ADCY8: variants seen among roughly 807,000 people sequenced by gnomAD.
ADCY8 encodes the protein adenylate cyclase type 8.
ADCY8 carries 51 observed loss-of-function variants against 119.7 expected under a neutral mutation model. That is an observed-to-expected ratio of 0.43 (90% confidence interval 0.34 to 0.54). The LOEUF (loss-of-function observed/expected upper bound fraction) is 0.54. Among genes scored for constraint, ADCY8 ranks in the 20% least tolerant of loss-of-function variants. The pLI, the probability that ADCY8 is intolerant of heterozygous loss-of-function variation, is 0.03. For synonymous variants in ADCY8, 665 were observed against 651.0 expected, an observed-to-expected ratio of 1.02 and a Z score of -0.33; for missense variants, 1,383 against 1,598.8, an observed-to-expected ratio of 0.87 and a Z score of 2.30.
chr8:130,803,728 TG>T (rs1446113624), intron 14 of ADCY8, among the ~76,000 whole-genome samples: 1 of 152,200 alleles, frequency 6.6e-6, no homozygotes, highest in Non-Finnish European at 1.5e-5. Context: ...CAGCTAGTAG[TG>T]GAAGAGAGGA....
chr8:130,905,027 C>A (rs1397601223), intron 6 of ADCY8, among the ~76,000 whole-genome samples: 2 of 152,136 alleles, frequency 1.3e-5, no homozygotes, highest in Non-Finnish European at 2.9e-5. Flanking sequence ...AATTACTTAG[C>A]CTTTCTATCA....
chr8:130,813,279 G>T (rs935048706), intron 14 of ADCY8, among the ~76,000 whole-genome samples: 2 of 152,098 alleles, frequency 1.3e-5, no homozygotes, highest in Non-Finnish European at 1.5e-5. Context: ...TAGTTTAGTG[G>T]CATTAAGTAT....
chr8:130,970,391 G>A (rs180868827), intron 2 of ADCY8, among the ~76,000 whole-genome samples: 186 of 152,218 alleles, frequency 1.2e-3, no homozygotes, highest in African/African-American at 4.4e-3. Flanking sequence ...GCTTCTTATG[G>A]GAATGTAATG....
chr8:130,919,265 G>C (rs1382264052), intron 5 of ADCY8, among the ~76,000 whole-genome samples: 2 of 151,978 alleles, frequency 1.3e-5, no homozygotes, highest in African/African-American at 4.8e-5. Flanking sequence ...GGGGAGTCCT[G>C]GCCAAAGATT....
At chr8:131,025,655 G>T (rs1241030306) in intron 1 of ADCY8, among the ~76,000 whole-genome samples, 2 of 152,264 alleles carry the variant, frequency 1.3e-5, no homozygotes, top group East Asian at 1.9e-4. Flanking sequence ...TAGATATTAA[G>T]AATAATTTCC....
At chr8:130,976,326 G>T (rs1403185362) in intron 2 of ADCY8, among the ~76,000 whole-genome samples, 1 of 152,200 alleles carries the variant, frequency 6.6e-6, no homozygotes, top group Non-Finnish European at 1.5e-5. Flanking sequence ...GATGATAAGG[G>T]CACTTGTGAT....
chr8:130,824,090 C>T (rs1816600367), intron 12 of ADCY8, among the ~76,000 whole-genome samples: 1 of 152,088 alleles, frequency 6.6e-6, no homozygotes, highest in Non-Finnish European at 1.5e-5. Context: ...GTGTCAGAGC[C>T]AGGATGAGAA....
chr8:131,038,254 G>A (rs1361265349), intron 1 of ADCY8, among the ~76,000 whole-genome samples: 1 of 152,154 alleles, frequency 6.6e-6, no homozygotes, highest in Non-Finnish European at 1.5e-5. Context: ...CGACCATAAG[G>A]AAGAGGAGTT....
intron 1 of ADCY8, among the ~76,000 whole-genome samples, chr8:131,030,796 C>T (rs1823973109): frequency 6.6e-6 from 1 of 152,132 alleles, no homozygotes. Flanking sequence ...CTTTTAAAGC[C>T]CAGCAAAATC....
rs1057072443 is a variant in ADCY8 at position 130,811,644 on chromosome 8, G to A, written c.2913+2425C>T. Among the ~76,000 whole-genome samples, 10 of 152,324 alleles carry A rather than the reference G, an allele frequency of 6.6e-5. No homozygotes were observed. The South Asian group carries it at 1.5e-3, about 22-fold the overall frequency. On this transcript the variant is annotated intron_variant, in intron 14 of 17. Transcript: ENST00000286355. ...AGGGGTTAGCTTTCCCAAGTTAAATGCCTCAGCAAGGGAGCCCACTACTCC... is the reference window on the plus strand; with the variant it reads ...AGGGGTTAGCTTTCCCAAGTTAAATACCTCAGCAAGGGAGCCCACTACTCC...
chr8:130,941,840 C>T (rs1043896076), intron 4 of ADCY8, among the ~76,000 whole-genome samples: 2 of 152,182 alleles, frequency 1.3e-5, no homozygotes, highest in Admixed American at 6.5e-5. Flanking sequence ...CTTGTTTTCT[C>T]CTCTGCATAA....
intron 15 of ADCY8, among the ~76,000 whole-genome samples, chr8:130,798,886 G>GCATGCACACACA (rs1326529347): frequency 6.6e-6 from 1 of 151,770 alleles, no homozygotes; most frequent in Non-Finnish European, 1.5e-5. Flanking sequence ...ACACACACAC[G>GCATGCACACACA]CATGCACACA....
At chr8:130,826,654 GT>G (rs1311294858) in intron 12 of ADCY8, among the ~76,000 whole-genome samples, 1 of 151,856 alleles carries the variant, frequency 6.6e-6, no homozygotes, top group East Asian at 1.9e-4. Flanking sequence ...GATTATTTTG[GT>G]AACCATGGCT....
At chr8:130,885,307 T>G (rs778850667) in intron 7 of ADCY8, among the ~76,000 whole-genome samples, 1 of 152,052 alleles carries the variant, frequency 6.6e-6, no homozygotes, top group Non-Finnish European at 1.5e-5. Flanking sequence ...GATTGCTAAA[T>G]TTTTTACTTC....
At chr8:130,892,590 C>T (rs1022790109) in intron 7 of ADCY8, 1 of 152,040 alleles carries the variant, frequency 6.6e-6, no homozygotes, top group African/African-American at 2.4e-5. Context: ...GGTTTAGGTC[C>T]CAGGATATCC....
intron 7 of ADCY8, among the ~76,000 whole-genome samples, chr8:130,902,940 T>C (rs746460076): frequency 1.3e-5 from 2 of 152,024 alleles, no homozygotes; most frequent in Non-Finnish European, 2.9e-5. Context: ...CAACTAAATG[T>C]GCTGTGTCTA....
At chr8:130,833,068 G>A (rs1816886650) in intron 12 of ADCY8, among the ~76,000 whole-genome samples, 2 of 152,088 alleles carry the variant, frequency 1.3e-5, no homozygotes, top group Non-Finnish European at 2.9e-5. Flanking sequence ...GCCCTCTTTT[G>A]TGTTCATTTT....
chr8:130,792,739 C>T (rs1395335711), intron 15 of ADCY8, among the ~76,000 whole-genome samples: 1 of 152,208 alleles, frequency 6.6e-6, no homozygotes, highest in Non-Finnish European at 1.5e-5. Context: ...CTCCCTTCTT[C>T]CACTCTTGAC....
At chr8:131,029,949 C>A (rs1252100032) in intron 1 of ADCY8, among the ~76,000 whole-genome samples, 1 of 152,042 alleles carries the variant, frequency 6.6e-6, no homozygotes, top group Non-Finnish European at 1.5e-5. Context: ...ATATTCAGAG[C>A]CATCCATGTG....
Sources: allele counts gnomAD v4.1 joint callset (sites outside exome capture counted in the v4.1 genomes callset), GRCh38; gene constraint gnomAD v4.1.1; transcripts MANE v1.5; gene names NCBI Gene and HGNC (gene_info 2026-07-23, HGNC 2026-07-21).